The following THSD7A variants were observed in gnomAD, a reference collection of about 807,000 sequenced individuals.
The protein encoded by THSD7A is thrombospondin type 1 domain containing 7A, also known as thrombospondin type-1 domain-containing protein 7A.
A neutral mutation model predicts 231.3 loss-of-function variants in THSD7A; 96 were observed. The observed-to-expected ratio is 0.41, with a 90% CI of 0.35 to 0.49. The LOEUF is 0.49. THSD7A is among the 20% of genes least tolerant of loss of function. THSD7A has a pLI of 0.05. For missense variants in THSD7A, 2,290 were observed against 2,070.2 expected (o/e 1.11, Z -2.06); for synonymous variants, 940 against 743.3 (o/e 1.26, Z -4.30).
intron 1 of THSD7A, among the ~76,000 whole-genome samples, chr7:11,731,490 T>C (rs554523195): frequency 1.3e-5 from 2 of 151,824 alleles, no homozygotes; most frequent in East Asian, 3.9e-4. Context: ...GAGTTACTAA[T>C]AGAAGTTACA....
chr7:11,658,072 G>C (rs940613832), intron 1 of THSD7A, among the ~76,000 whole-genome samples: 1 of 151,684 alleles, frequency 6.6e-6, no homozygotes, highest in East Asian at 2.0e-4. Flanking sequence ...TCAGTGAGGC[G>C]AACATAAAAA....
chr7:11,543,113 T>C lies in THSD7A; in HGVS notation c.1458A>G (p.Ser486=). ...TGCATAATTTTAAGTCCATTGGCTT[T>C]GAGGCTAGAGAAAAATACAGACACA... ...QLSTHKNKEA[S]KPMDLKLCTG... The change falls in exon 5 of 28, where the codon TCA becomes TCG. Residue 486 remains serine, a synonymous_variant. Transcript: ENST00000423059. The C allele has an allele frequency of 6.2e-7, 1 of 1,609,546 alleles. No homozygotes were observed. The highest frequency in any genetic ancestry group is 8.5e-7 in the Non-Finnish European group (1 of 1,178,004).
At chr7:11,783,954 G>A (rs1783708626) in intron 1 of THSD7A, among the ~76,000 whole-genome samples, 3 of 151,626 alleles carry the variant, frequency 2.0e-5, no homozygotes, top group South Asian at 4.2e-4. Context: ...CCAATACATA[G>A]GCTCACTTAT....
chr7:11,548,960 G>C (rs1789513337), intron 4 of THSD7A, among the ~76,000 whole-genome samples: 1 of 151,834 alleles, frequency 6.6e-6, no homozygotes, highest in Non-Finnish European at 1.5e-5. Context: ...CCACTTGAGT[G>C]AACAGACAAC....
At chr7:11,705,526 C>T (rs568407213) in intron 1 of THSD7A, among the ~76,000 whole-genome samples, 1 of 150,958 alleles carries the variant, frequency 6.6e-6, no homozygotes, top group South Asian at 2.1e-4. Flanking sequence ...TTTCTGTCAG[C>T]CTATTGCAGC....
intron 2 of THSD7A, among the ~76,000 whole-genome samples, chr7:11,605,917 A>G (rs1780719468): frequency 6.6e-6 from 1 of 152,172 alleles, no homozygotes; most frequent in Non-Finnish European, 1.5e-5. Flanking sequence ...TCAGTTCAGA[A>G]TCTAAGCCCA....
Position 11,401,580 on chromosome 7 carries a change from AT to A in THSD7A, c.4411+214del, listed in dbSNP as rs915090802. ...TTACAGGAGCCTGACACCATGCATA[AT>A]TTTTTTTTTGGTAGAGTTTGGGTTT... On this transcript the variant is annotated intron_variant, in intron 23 of 27. Transcript: ENST00000423059. 7.5e-4 allele frequency among the ~76,000 whole-genome samples: 111 copies of A among 148,848 alleles called. 1 individual carries two copies. Among genetic ancestry groups the A allele is most frequent in the African/African-American group, 2.5e-3 (103 of 40,674 alleles).
chr7:11,643,738 C>T (rs560453091), intron 1 of THSD7A, among the ~76,000 whole-genome samples: 1 of 152,012 alleles, frequency 6.6e-6, no homozygotes, highest in South Asian at 2.1e-4. Context: ...ATTTTTCTAA[C>T]TGATGTTCTA....
chr7:11,661,476 T>C (rs1288140007), intron 1 of THSD7A, among the ~76,000 whole-genome samples: 2 of 150,722 alleles, frequency 1.3e-5, no homozygotes, highest in African/African-American at 2.4e-5. Context: ...CAGAGAAGAG[T>C]AATTGATTTT....
intron 6 of THSD7A, among the ~76,000 whole-genome samples, chr7:11,533,064 G>A (rs1788769672): frequency 6.6e-6 from 1 of 152,142 alleles, no homozygotes; most frequent in African/African-American, 2.4e-5. Context: ...AAAGAAGGTT[G>A]TGTGAAAAAC....
chr7:11,443,402 C>G (rs372161104), intron 13 of THSD7A, among the ~76,000 whole-genome samples: 13 of 151,858 alleles, frequency 8.6e-5, no homozygotes, highest in African/African-American at 2.9e-4. Flanking sequence ...TATGTTATTT[C>G]ATATAGAGAA....
intron 1 of THSD7A, among the ~76,000 whole-genome samples, chr7:11,696,818 A>G (rs1399784332): frequency 4.0e-5 from 6 of 151,514 alleles, no homozygotes; most frequent in Admixed American, 6.6e-5. Context: ...GGCATGCAGC[A>G]TAAATGACTG....
intron 1 of THSD7A, among the ~76,000 whole-genome samples, chr7:11,677,701 G>T (rs573303054): frequency 2.0e-5 from 3 of 151,026 alleles, no homozygotes; most frequent in African/African-American, 7.3e-5. Flanking sequence ...AATGGTAAAG[G>T]GATCAATGCA....
intron 1 of THSD7A, among the ~76,000 whole-genome samples, chr7:11,771,360 T>C (rs1342986398): frequency 6.6e-6 from 1 of 151,976 alleles, no homozygotes; most frequent in African/African-American, 2.4e-5. Flanking sequence ...TATGAAGCCA[T>C]TGATGTTATA....
chr7:11,600,567 T>A (rs552291708), intron 2 of THSD7A, among the ~76,000 whole-genome samples: 1 of 152,082 alleles, frequency 6.6e-6, no homozygotes, highest in South Asian at 2.1e-4. Context: ...CTTTGAAGAG[T>A]TTTCGTGAAA....
At chr7:11,718,385 T>C (rs1052350166) in intron 1 of THSD7A, among the ~76,000 whole-genome samples, 70 of 151,798 alleles carry the variant, frequency 4.6e-4, no homozygotes, top group African/African-American at 1.6e-3. Context: ...GTGTTAAATC[T>C]GATAATGTGA....
At chr7:11,465,583 A>C (rs1785669877) in intron 9 of THSD7A, among the ~76,000 whole-genome samples, 1 of 152,114 alleles carries the variant, frequency 6.6e-6, no homozygotes, top group South Asian at 2.1e-4. Context: ...CTGATTCATT[A>C]AACTGGATAT....
At chr7:11,778,241 C>T (rs1303131683) in intron 1 of THSD7A, among the ~76,000 whole-genome samples, 1 of 149,128 alleles carries the variant, frequency 6.7e-6, no homozygotes, top group Non-Finnish European at 1.5e-5. Flanking sequence ...CTATGTTGGG[C>T]TTTGGAAGAC....
At chr7:11,712,352 A>G (rs557524696) in intron 1 of THSD7A, among the ~76,000 whole-genome samples, 101 of 151,128 alleles carry the variant, frequency 6.7e-4, no homozygotes, top group African/African-American at 2.4e-3. Flanking sequence ...GAAGGAATAA[A>G]TATGTAATCA....
Sources: allele counts gnomAD v4.1 joint callset (sites outside exome capture counted in the v4.1 genomes callset), GRCh38; gene constraint gnomAD v4.1.1; transcripts MANE v1.5; gene names NCBI Gene and HGNC (gene_info 2026-07-23, HGNC 2026-07-21).